MSRB3: variants seen among roughly 807,000 people sequenced by gnomAD.
MSRB3 encodes the protein methionine sulfoxide reductase B3.
A neutral mutation model predicts 21.0 loss-of-function variants in MSRB3; 13 were observed. The ratio of observed to expected loss-of-function variants is 0.62; its 90% CI spans 0.40 to 0.98. The LOEUF is 0.98. Among genes scored for constraint, MSRB3 ranks in the 50% least tolerant of loss-of-function variants. MSRB3 has a pLI of 0.00. For synonymous variants in MSRB3, 87 were observed against 88.6 expected, an observed-to-expected ratio of 0.98 and a Z score of 0.10; for missense variants, 199 against 230.3, an observed-to-expected ratio of 0.86 and a Z score of 0.88.
chr12:65,302,974 A>G (rs928548830), intron 1 of MSRB3, among the ~76,000 whole-genome samples: 19 of 152,224 alleles, frequency 1.2e-4, no homozygotes, highest in African/African-American at 4.6e-4. Context: ...GTTGGTGTCA[A>G]CATAATCTTT....
intron 1 of MSRB3, among the ~76,000 whole-genome samples, chr12:65,289,245 A>G (rs960070458): frequency 8.5e-5 from 13 of 152,340 alleles, no homozygotes; most frequent in South Asian, 4.1e-4. Context: ...CTGTATTCCC[A>G]GCACTTTGGG....
intron 2 of MSRB3, among the ~76,000 whole-genome samples, chr12:65,325,865 T>C (rs1201890265): frequency 1.3e-5 from 2 of 152,186 alleles, no homozygotes; most frequent in Non-Finnish European, 2.9e-5. Context: ...ATATTTCTTT[T>C]CAGTCATTTG....
chr12:65,348,551 T>G (rs1198631069), intron 4 of MSRB3, among the ~76,000 whole-genome samples: 1 of 152,164 alleles, frequency 6.6e-6, no homozygotes, highest in Non-Finnish European at 1.5e-5. Context: ...CTGGATTCAC[T>G]GATTTTTTGA....
chr12:65,401,748 C>T (rs183547612), intron 5 of MSRB3, among the ~76,000 whole-genome samples: 56 of 152,010 alleles, frequency 3.7e-4, no homozygotes, highest in East Asian at 3.1e-3. Context: ...TGGCTGGTAC[C>T]GGTTGTTCCT....
chr12:65,337,018 C>A (rs932025519), intron 4 of MSRB3, among the ~76,000 whole-genome samples: 3 of 151,914 alleles, frequency 2.0e-5, no homozygotes, highest in Admixed American at 2.0e-4. Context: ...CTGAGGCGGG[C>A]GGATCACGAG....
intron 5 of MSRB3, 55 bp downstream of exon 5, chr12:65,369,081 G>A: frequency 7.9e-7 from 1 of 1,271,868 alleles, no homozygotes; most frequent in Non-Finnish European, 1.1e-6. Flanking sequence ...ATTATTCTCT[G>A]AGGAGTAAAT....
intron 5 of MSRB3, among the ~76,000 whole-genome samples, chr12:65,449,107 C>A (rs1393841537): frequency 6.6e-6 from 1 of 152,072 alleles, no homozygotes; most frequent in Admixed American, 6.6e-5. Context: ...CGGCTCACTG[C>A]AAGCTCCACT....
At chr12:65,308,418 G>A in intron 1 of MSRB3, 111 bp from the exon 2 acceptor site, 2 of 1,382,124 alleles carry the variant, frequency 1.4e-6, no homozygotes, top group South Asian at 2.5e-5. Flanking sequence ...TTAGCAGTAT[G>A]TGCATGTGTT....
chr12:65,360,801 C>T (rs188396088), intron 4 of MSRB3, among the ~76,000 whole-genome samples: 9 of 152,296 alleles, frequency 5.9e-5, no homozygotes, highest in African/African-American at 2.2e-4. Context: ...ATTCTTACTG[C>T]ACTATGCACT....
In MSRB3 at chr12:65,463,603, C is replaced by T. The variant is rs1883430844; in HGVS notation, c.*281C>T. The T allele has an allele frequency of 2.5e-6, 1 of 402,802 alleles. No individual in the cohort carries two copies. Among genetic ancestry groups the T allele is most frequent in the African/African-American group, 2.1e-5 (1 of 48,734 alleles). 25.0% of individuals were successfully genotyped at this position (402,802 alleles called of 1,614,324 possible). A position where few individuals can be genotyped will look rare whatever the true frequency, so the allele number is the denominator to read the frequency against. On this transcript the variant is annotated 3_prime_UTR_variant, in exon 7 of 7. Coordinates refer to ENST00000308259, the MANE Select transcript of MSRB3 (RefSeq NM_001031679.3). ...GGCATTCTTTTCTTTGAGCACATGG[C>T]TTCTTTTGCAGTTTTTCCCCCTTTG...
chr12:65,394,275 C>T (rs866083056), intron 5 of MSRB3, among the ~76,000 whole-genome samples: 40 of 151,994 alleles, frequency 2.6e-4, no homozygotes, highest in Admixed American at 9.2e-4. Flanking sequence ...GTTTTACTTA[C>T]GTAATAAAAA....
intron 1 of MSRB3, among the ~76,000 whole-genome samples, chr12:65,289,832 G>A (rs560201381): frequency 2.6e-5 from 4 of 152,044 alleles, no homozygotes; most frequent in Admixed American, 6.5e-5. Context: ...TAGGATTATG[G>A]TCTCCAGTTC....
chr12:65,377,789 G>T (rs951640364), intron 5 of MSRB3, among the ~76,000 whole-genome samples: 2 of 152,172 alleles, frequency 1.3e-5, no homozygotes, highest in East Asian at 1.9e-4. Flanking sequence ...CAGGCCCTTT[G>T]CATCTATGTG....
intron 1 of MSRB3, chr12:65,306,953 G>A: frequency 1.0e-6 from 1 of 985,892 alleles, no homozygotes; most frequent in South Asian, 4.7e-5. Context: ...GCCTGGTACA[G>A]GAGTTGATGA....
chr12:65,352,143 G>A (rs998313778), intron 4 of MSRB3, among the ~76,000 whole-genome samples: 8 of 152,200 alleles, frequency 5.3e-5, no homozygotes, highest in Admixed American at 2.6e-4. Flanking sequence ...TCCCTGAGAT[G>A]CAAGGCTGGT....
chr12:65,417,362 C>A (rs1881034388), intron 5 of MSRB3, among the ~76,000 whole-genome samples: 1 of 152,026 alleles, frequency 6.6e-6, no homozygotes, highest in Non-Finnish European at 1.5e-5. Flanking sequence ...TTGTTAATTT[C>A]CTTTTTTAAC....
At chr12:65,365,514 G>A (rs559007332) in intron 4 of MSRB3, among the ~76,000 whole-genome samples, 2 of 152,242 alleles carry the variant, frequency 1.3e-5, no homozygotes, top group Admixed American at 6.5e-5. Flanking sequence ...CCCTTTATAC[G>A]CCATGCAGAG....
chr12:65,400,047 A>G (rs969609019), intron 5 of MSRB3, among the ~76,000 whole-genome samples: 6 of 152,266 alleles, frequency 3.9e-5, no homozygotes, highest in African/African-American at 1.4e-4. Flanking sequence ...CATCAGGGAT[A>G]TTGGCCTGAA....
At chr12:65,419,613 C>G in intron 5 of MSRB3, 1 of 716,064 alleles carries the variant, frequency 1.4e-6, no homozygotes, top group Non-Finnish European at 2.6e-6. Flanking sequence ...TATGAGCCCT[C>G]AGGTCCTCGA....
Sources: allele counts gnomAD v4.1 joint callset (sites outside exome capture counted in the v4.1 genomes callset), GRCh38; gene constraint gnomAD v4.1.1; transcripts MANE v1.5; gene names NCBI Gene and HGNC (gene_info 2026-07-23, HGNC 2026-07-21).